The following FNDC5 variants were observed in gnomAD, a reference collection of about 807,000 sequenced individuals.
FNDC5 encodes the protein fibronectin type III domain-containing protein 5.
Under a neutral mutation model 24.6 loss-of-function variants are expected in FNDC5, and 10 were observed. The observed-to-expected ratio is 0.41, with a 90% CI of 0.25 to 0.69. FNDC5 has a LOEUF of 0.69. FNDC5 is among the 30% of genes least tolerant of loss of function. FNDC5 has a pLI of 0.34. For synonymous variants in FNDC5, 90 were observed against 110.7 expected (o/e 0.81, Z 1.18); for missense variants, 226 against 282.9 (o/e 0.80, Z 1.44).
rs1641001397 is a variant in FNDC5, at chr1:32,863,473, C to T, written c.*821G>A. ...AAAGAGGAAGCCAGTCCAGGAGAGG[C>T]GAGGAGGCAGAAGGCTGTGTCTCAT... On this transcript the variant is annotated 3_prime_UTR_variant, in exon 6 of 6. Transcript: ENST00000373471. The T allele has an allele frequency of 6.1e-6, 2 of 327,742 alleles. No individual in the cohort carries two copies. The highest frequency in any genetic ancestry group is 7.6e-5 in the East Asian group (1 of 13,226). 20.3% of individuals were successfully genotyped at this position (327,742 alleles called of 1,614,324 possible).
At chr1:32,867,915 C>A in intron 3 of FNDC5, 73 bp from the exon 4 acceptor site, 2 of 1,438,218 alleles carry the variant, frequency 1.4e-6, no homozygotes, top group South Asian at 1.2e-5. Context: ...AAGCCCAAGA[C>A]AACAGTGCTG....
intron 4 of FNDC5, 120 bp from the exon 5 acceptor site, chr1:32,864,917 C>T: frequency 1.4e-6 from 2 of 1,411,050 alleles, no homozygotes; most frequent in Admixed American, 2.3e-5. Context: ...ACTACTGCAG[C>T]ACCCTCCCTC....
rs1641007825 is a variant in FNDC5, at chr1:32,863,825, C to T, written c.*469G>A. Reference sequence around the variant, plus strand: ...GCAGCCAGGCCTAATTGTGAATAGCCTTCTTGCAAGGCTGGAAACAGGACA... The same window carrying T: ...GCAGCCAGGCCTAATTGTGAATAGCTTTCTTGCAAGGCTGGAAACAGGACA... On this transcript the variant is annotated 3_prime_UTR_variant, in exon 6 of 6. Coordinates refer to ENST00000373471, the MANE Select transcript of FNDC5 (RefSeq NM_153756.3). The T allele has an allele frequency of 2.3e-6, 3 of 1,305,360 alleles. No individual in the cohort carries two copies. Among genetic ancestry groups the T allele is most frequent in the African/African-American group, 1.5e-5 (1 of 65,926 alleles). 80.9% of individuals were successfully genotyped at this position (1,305,360 alleles called of 1,614,324 possible). A position where few individuals can be genotyped will look rare whatever the true frequency, so the allele number is the denominator to read the frequency against.
Position 32,868,549 on chromosome 1 carries a change from G to C in FNDC5, c.211-161C>G, listed in dbSNP as rs1279906176. On this transcript the variant is annotated intron_variant, in intron 2 of 5. Coordinates refer to ENST00000373471, the MANE Select transcript of FNDC5 (RefSeq NM_153756.3). This position sits in a 1 kb window ranked among gnomAD's most constrained non-coding sequence, Gnocchi z 4.8. ...ACAGGGAAGGAAACAGGTTCAGAGA[G>C]GTTGGGGAAGTTGCCCAAGGCCACA... 6.6e-6 allele frequency among the ~76,000 whole-genome samples: 1 copy of C among 152,110 alleles called. No homozygotes were observed. Among genetic ancestry groups the C allele is most frequent in the African/African-American group, 2.4e-5 (1 of 41,406 alleles).
In FNDC5 at chr1:32,868,767, C is replaced by T. The variant is rs145279983; in HGVS notation, c.210+115G>A. The T allele has an allele frequency of 1.1e-3, 836 of 751,096 alleles. 2 individuals are homozygous for T. The highest frequency in any genetic ancestry group is 7.1e-3 in the African/African-American group (404 of 56,874). The allele number at this position is 751,096 out of a possible 1,614,324, so 46.5% of individuals were successfully genotyped here. On this transcript the variant is annotated intron_variant, in intron 2 of 5. Transcript: ENST00000373471. This position sits in a 1 kb window ranked among gnomAD's most constrained non-coding sequence, Gnocchi z 4.8. ...TCCAAATTGCTGTTCATCTCCCTTG[C>T]CCCAAGTTCCTATTTCCTTTCTATT...
chr1:32,871,262 C>T (rs1402936102), upstream of FNDC5, among the ~76,000 whole-genome samples: 1 of 151,878 alleles, frequency 6.6e-6, no homozygotes. Context: ...AGCGCGCCTC[C>T]CTTCCCTGGG....
rs1326389111 is a variant in FNDC5, at chr1:32,864,131, C to T, written c.*163G>A. ...GTTAATAAGAGGCTTCAGGAAAGTG[C>T]GCCAGAGAGAGGACAGTAAGCCAGA... is the stretch of plus-strand genomic sequence containing the variant. On this transcript the variant is annotated 3_prime_UTR_variant, in exon 6 of 6. Transcript: ENST00000373471. 54 of 1,536,934 alleles carry T rather than the reference C, an allele frequency of 3.5e-5. No homozygotes were observed. Among genetic ancestry groups the T allele is most frequent in the African/African-American group, 5.5e-5 (4 of 72,434 alleles).
Position 32,864,229 on chromosome 1 carries a change from G to T in FNDC5, c.*65C>A. 6.2e-7 allele frequency: 1 copy of T among 1,614,086 alleles called. No homozygotes were observed. The highest frequency in any genetic ancestry group is 1.1e-5 in the South Asian group (1 of 91,054). On this transcript the variant is annotated 3_prime_UTR_variant, in exon 6 of 6. Transcript: ENST00000373471. The stretch of plus-strand genomic sequence containing the variant: ...GTTGGATAATCATCATCAGAACCAT[G>T]AGATCCTCTCACATTCTCTACTGTC...
chr1:32,871,401 T>G (rs190079612), upstream of FNDC5, among the ~76,000 whole-genome samples: 1 of 152,280 alleles, frequency 6.6e-6, no homozygotes, highest in East Asian at 1.9e-4. Flanking sequence ...GCTCCGTGTT[T>G]CCAGTGGGGT....
At chr1:32,869,414 G>T (rs900261582) in intron 1 of FNDC5, among the ~76,000 whole-genome samples, 3 of 152,258 alleles carry the variant, frequency 2.0e-5, no homozygotes, top group South Asian at 2.1e-4. Context: ...TGACAATACT[G>T]CCCTGTCCAA....
At chr1:32,871,413 G>T (rs1163658782), upstream of FNDC5, among the ~76,000 whole-genome samples, 1 of 152,172 alleles carries the variant, frequency 6.6e-6, no homozygotes, top group East Asian at 1.9e-4. Context: ...CAGTGGGGTT[G>T]GGAAGAGGCT....
intron 5 of FNDC5, 150 bp from the exon 6 acceptor site, chr1:32,864,449 T>C: frequency 2.0e-6 from 3 of 1,478,722 alleles, no homozygotes; most frequent in South Asian, 1.4e-5. Context: ...TGCTTTTTTT[T>C]TTTTTTCTTC....
At chr1:32,866,804 A>T (rs887646768) in intron 4 of FNDC5, among the ~76,000 whole-genome samples, 5 of 152,196 alleles carry the variant, frequency 3.3e-5, no homozygotes, top group Admixed American at 2.6e-4. Context: ...CTTCTTAGTC[A>T]TGATTGTAGC....
intron 4 of FNDC5, 118 bp from the exon 5 acceptor site, chr1:32,864,915 A>G: frequency 7.0e-7 from 1 of 1,433,668 alleles, no homozygotes; most frequent in Non-Finnish European, 9.3e-7. Flanking sequence ...GTACTACTGC[A>G]GCACCCTCCC....
At chr1:32,864,622 G>A (rs757275309) in intron 5 of FNDC5, 42 bp downstream of exon 5, 1 of 1,612,900 alleles carries the variant, frequency 6.2e-7, no homozygotes. Context: ...ACCAGAGCAT[G>A]AGGCACAGGG....
rs776502849 is a variant in FNDC5, at chr1:32,867,778, G to A, written c.474C>T (p.Ile158=). 9.3e-6 allele frequency: 15 copies of A among 1,613,934 alleles called. No homozygotes were observed. In the East Asian group the frequency reaches 2.5e-4, roughly 26 times the overall value. The change falls in exon 4 of 6, where the codon ATC becomes ATT. Residue 158 remains isoleucine, a synonymous_variant. Transcript: ENST00000373471. Reference sequence around the variant, plus strand: ...CTGCCCACATGAACAGGACCACGACGATGATCAGCACCTCGCCTGTCCGCA... The same window carrying A: ...CTGCCCACATGAACAGGACCACGACAATGATCAGCACCTCGCCTGTCCGCA...
intron 1 of FNDC5, 85 bp downstream of exon 1, chr1:32,870,568 C>A: frequency 1.2e-6 from 1 of 822,428 alleles, no homozygotes; most frequent in Non-Finnish European, 1.6e-6. Context: ...CCCTAGGGGG[C>A]AGAGAAAGGA....
chr1:32,869,279 G>A (rs1458242006), intron 1 of FNDC5, among the ~76,000 whole-genome samples: 1 of 152,248 alleles, frequency 6.6e-6, no homozygotes, highest in East Asian at 1.9e-4. Context: ...GCCTGGGCCG[G>A]GGCCCTATCT....
chr1:32,868,939 C>A lies in FNDC5; in HGVS notation c.153G>T (p.Val51=). 1 of 1,237,088 alleles carries A rather than the reference C, an allele frequency of 8.1e-7. No individual in the cohort carries two copies. Among genetic ancestry groups the A allele is most frequent in the South Asian group, 4.1e-5 (1 of 24,680 alleles). The allele number at this position is 1,237,088 out of a possible 1,614,324, so 76.6% of individuals were successfully genotyped here. ...CATCCTCCAGAACATCCCAGCTCAC[C>A]ACTGCAGAGTTGGCCTTGAGGTGCC... Residue 51 remains valine (V), a synonymous_variant, in exon 2 of 6, where the codon GTG becomes GTT. Coordinates refer to ENST00000373471, the MANE Select transcript of FNDC5 (RefSeq NM_153756.3). This position sits in a 1 kb window ranked among gnomAD's most constrained non-coding sequence, Gnocchi z 4.8.
Sources: gnomAD v4.1 joint callset for allele counts (sites outside exome capture counted in the v4.1 genomes callset) on GRCh38, gnomAD v4.1.1 for gene constraint, Gnocchi (gnomAD v3.1) non-coding constraint, MANE v1.5 for transcripts, NCBI Gene and HGNC (gene_info 2026-07-23, HGNC 2026-07-21) for gene names.